NFAT5: variants seen among roughly 807,000 people sequenced by gnomAD.
The protein encoded by NFAT5 is nuclear factor of activated T-cells 5.
Under a neutral mutation model 166.5 loss-of-function variants are expected in NFAT5, and 31 were observed. That is an observed-to-expected ratio of 0.19 (90% confidence interval 0.14 to 0.25). The LOEUF is 0.25. Among genes scored for constraint, NFAT5 ranks in the 10% least tolerant of loss-of-function variants. The probability of loss-of-function intolerance (pLI) is 1.00; values close to 1 mark genes in which losing one functional copy is unlikely to be tolerated. For synonymous variants in NFAT5, 612 were observed against 639.7 expected, an observed-to-expected ratio of 0.96 and a Z score of 0.65; for missense variants, 1,449 against 1,821.8, an observed-to-expected ratio of 0.80 and a Z score of 3.72.
At position 69,679,954 on chromosome 16, in the gene NFAT5, A is replaced by G. The variant is rs141226326; in HGVS notation, c.1690+2619A>G. 4.6e-5 allele frequency among the ~76,000 whole-genome samples: 7 copies of G among 152,060 alleles called. No individual in the cohort carries two copies. In the East Asian group the frequency reaches 1.4e-3, roughly 30 times the overall value. On this transcript the variant is annotated intron_variant, in intron 10 of 14. Transcript: ENST00000349945. ...TAACACGGTGAAACCCATCTCTACT[A>G]AAAATACAAAAAAATTAGCCGGGCG...
At chr16:69,567,067 T>A (rs186639850) in intron 1 of NFAT5, among the ~76,000 whole-genome samples, 1,543 of 152,252 alleles carry the variant, frequency 0.01, 16 homozygotes, top group Admixed American at 0.015. Context: ...TAATTACTTC[T>A]CCCTTCTCCT....
At chr16:69,584,097 G>T (rs563076473) in intron 2 of NFAT5, among the ~76,000 whole-genome samples, 1 of 151,936 alleles carries the variant, frequency 6.6e-6, no homozygotes, top group Non-Finnish European at 1.5e-5. Context: ...ATGGTGGTGC[G>T]CACCTTTAAT....
chr16:69,633,850 G>T (rs752849927), intron 3 of NFAT5, among the ~76,000 whole-genome samples: 2 of 152,000 alleles, frequency 1.3e-5, no homozygotes, highest in Non-Finnish European at 2.9e-5. Flanking sequence ...CTAACACAAA[G>T]AAATGATAAA....
chr16:69,598,167 G>C (rs1164940361), intron 2 of NFAT5, among the ~76,000 whole-genome samples: 4 of 151,956 alleles, frequency 2.6e-5, no homozygotes, highest in African/African-American at 9.7e-5. Flanking sequence ...AGGATAGCTT[G>C]AGCCCAGGAG....
chr16:69,621,907 G>A (rs1297335650), intron 2 of NFAT5, among the ~76,000 whole-genome samples: 1 of 152,144 alleles, frequency 6.6e-6, no homozygotes, highest in Non-Finnish European at 1.5e-5. Flanking sequence ...AGGCTGCAGT[G>A]AACTTTGATT....
At chr16:69,577,530 C>T (rs2016826440) in intron 2 of NFAT5, among the ~76,000 whole-genome samples, 1 of 152,042 alleles carries the variant, frequency 6.6e-6, no homozygotes, top group African/African-American at 2.4e-5. Context: ...GCTTGAACGA[C>T]AACAAAAAGG....
intron 9 of NFAT5, among the ~76,000 whole-genome samples, chr16:69,675,155 A>G (rs909282657): frequency 6.6e-6 from 1 of 152,226 alleles, no homozygotes; most frequent in Admixed American, 6.5e-5. Context: ...TTTCAAAATT[A>G]GTTTTACTTA....
chr16:69,677,060 C>G (rs1008886078), intron 9 of NFAT5, 143 bp from the exon 10 acceptor site: 1 of 713,854 alleles, frequency 1.4e-6, no homozygotes, highest in Non-Finnish European at 2.2e-6. Flanking sequence ...TATCCTGATG[C>G]CTGTGAACCT....
Position 69,653,259 on chromosome 16 carries a change from C to G in NFAT5, c.836C>G (p.Thr279Ser). The G allele has an allele frequency of 2.5e-6, 4 of 1,583,330 alleles. No individual in the cohort carries two copies. The highest frequency in any genetic ancestry group is 3.4e-6 in the Non-Finnish European group (4 of 1,170,898). The change falls in exon 5 of 15, where the codon ACT becomes AGT. Residue 279 changes from threonine (T) to serine (S), a missense_variant. Coordinates refer to ENST00000349945, the MANE Select transcript of NFAT5 (RefSeq NM_138713.4). The stretch of plus-strand genomic sequence containing the variant: ...AGAACATTGGAAAACCAAAAAGGAA[C>G]TGGAGTAAAGAAGAGCCCTATGTTG... ...GNGTLENQKG[T>S]GVKKSPMLCG...
Position 69,691,115 on chromosome 16 carries a change from C to A in NFAT5, c.1923+27C>A, listed in dbSNP as rs570268970. On this transcript the variant is annotated intron_variant, in intron 12 of 14. Coordinates refer to ENST00000349945, the MANE Select transcript of NFAT5 (RefSeq NM_138713.4). ...TAAGCTGTATTGACTAGTGCACAAA[C>A]CTCCTATATAAAAATTGCTGTCTTT... 8 of 1,485,488 alleles carry A rather than the reference C, an allele frequency of 5.4e-6. No homozygotes were observed. In the South Asian group the frequency reaches 7.3e-5, roughly 13 times the overall value. The allele number at this position is 1,485,488 out of a possible 1,614,324, so 92.0% of individuals were successfully genotyped here.
intron 1 of NFAT5, among the ~76,000 whole-genome samples, 155 bp from the exon 2 acceptor site, chr16:69,568,340 A>ATGTG (rs1289905200): frequency 4.9e-4 from 19 of 38,536 alleles, no homozygotes; most frequent in Middle Eastern, 0.014. Context: ...GTGTGTATAT[A>ATGTG]TATATATGTG....
intron 2 of NFAT5, among the ~76,000 whole-genome samples, chr16:69,576,560 A>G (rs1163713129): frequency 6.6e-6 from 1 of 152,016 alleles, no homozygotes; most frequent in African/African-American, 2.4e-5. Flanking sequence ...ATTTAGAGGA[A>G]GTGATGGCTG....
intron 2 of NFAT5, among the ~76,000 whole-genome samples, chr16:69,610,203 T>G (rs549498890): frequency 3.3e-5 from 5 of 152,142 alleles, no homozygotes; most frequent in African/African-American, 1.2e-4. Context: ...TAGGTGATAA[T>G]GGGGTGGAAG....
At chr16:69,655,580 T>G (rs548159621) in intron 5 of NFAT5, 29 bp from the exon 6 acceptor site, 2 of 1,502,170 alleles carry the variant, frequency 1.3e-6, no homozygotes, top group South Asian at 2.8e-5. Flanking sequence ...TACTAATTAG[T>G]GTTTCTGTTG....
rs549536024 is a variant in NFAT5 at position 69,618,158 on chromosome 16, C to CAA, written c.128-8229_128-8228dup. On this transcript the variant is annotated intron_variant, in intron 2 of 14. Transcript: ENST00000349945. ...GGGCAACAACAGCGAAACTCCATCT[C>CAA]AAAAAAAAAAAAAAAAACTCTGTAG... Among the ~76,000 whole-genome samples, 84 of 84,356 alleles carry CAA rather than the reference C, an allele frequency of 1.0e-3. 1 individual carries two copies. The highest frequency in any genetic ancestry group is 2.6e-3 in the South Asian group (7 of 2,648). The allele number at this position is 84,356 out of a possible 152,430, so 55.3% of individuals were successfully genotyped here.
rs1418581986 is a variant in NFAT5, at chr16:69,701,868, G to A, written c.*5517G>A. The A allele has an allele frequency of 6.6e-6, 1 of 152,080 alleles. No individual in the cohort carries two copies. Among genetic ancestry groups the A allele is most frequent in the African/African-American group, 2.4e-5 (1 of 41,402 alleles). The allele number at this position is 152,080 out of a possible 1,614,324, so 9.4% of individuals were successfully genotyped here. ...TGTCTATCCTCAGTTAATTTACCTA[G>A]ACAAAAAGTGTCAAAGGAAATGAGA... On this transcript the variant is annotated 3_prime_UTR_variant, in exon 15 of 15. Coordinates refer to ENST00000349945, the MANE Select transcript of NFAT5 (RefSeq NM_138713.4).
At chr16:69,648,976 A>G in intron 4 of NFAT5, 2 of 974,494 alleles carry the variant, frequency 2.1e-6, no homozygotes, top group Non-Finnish European at 1.2e-6. Flanking sequence ...CTTAAGGGTG[A>G]TGTAGTTAAA....
chr16:69,643,240 A>G (rs2035293365), intron 3 of NFAT5, among the ~76,000 whole-genome samples: 1 of 150,736 alleles, frequency 6.6e-6, no homozygotes, highest in South Asian at 2.1e-4. Flanking sequence ...AAAAAAGAAT[A>G]TATAGACGGG....
chr16:69,694,411 C>T (rs373500207), intron 13 of NFAT5, among the ~76,000 whole-genome samples, 172 bp downstream of exon 13: 4 of 152,166 alleles, frequency 2.6e-5, no homozygotes, highest in Non-Finnish European at 5.9e-5. Flanking sequence ...TGCACAACCA[C>T]GCCCAGCTAA....
Sources: gnomAD v4.1 joint callset for allele counts (sites outside exome capture counted in the v4.1 genomes callset) on GRCh38, gnomAD v4.1.1 for gene constraint, MANE v1.5 for transcripts, NCBI Gene and HGNC (gene_info 2026-07-23, HGNC 2026-07-21) for gene names.